Variants in BTN3A3 observed in about 807,000 individuals in gnomAD.
The protein encoded by BTN3A3 is butyrophilin 3.
Under a neutral mutation model 43.2 loss-of-function variants are expected in BTN3A3, and 39 were observed. The observed-to-expected ratio is 0.90, with a 90% CI of 0.70 to 1.18. The LOEUF (loss-of-function observed/expected upper bound fraction) is 1.18, where lower values mean the gene tolerates loss of function less well. BTN3A3 is among the 50% of genes most tolerant of loss of function. The pLI is 0.00. For synonymous variants in BTN3A3, 255 were observed against 272.7 expected (o/e 0.93, Z 0.64); for missense variants, 631 against 722.8 (o/e 0.87, Z 1.46).
rs1487945071 is a variant in BTN3A3 at position 26,448,419 on chromosome 6, C to G, written c.887C>G (p.Ala296Gly). Residue 296 changes from alanine to glycine, a missense_variant, in exon 6 of 11, where the codon GCT becomes GGT. Ala to Gly is a moderately conservative substitution (Grantham distance 60, BLOSUM62 0). Around this residue, in one of 2 missense-constraint regions of BTN3A3, gnomAD observed 551 missense variants for 584.0 expected, o/e 0.94. Transcript: ENST00000244519. ...REREMKEMGY[A>G]ATEQEISLRE... ...CGAGAGATGAAAGAAATGGGATACG[C>G]TGCAACAGAGCAAGAAATAAGCCTA... is the stretch of plus-strand genomic sequence containing the variant. 1.9e-6 allele frequency: 3 copies of G among 1,613,748 alleles called. No homozygotes were observed. In the East Asian group the frequency reaches 6.7e-5, roughly 36 times the overall value.
chr6:26,450,036 G>A (rs192335344), intron 9 of BTN3A3, 71 bp from the exon 10 acceptor site: 50 of 1,509,836 alleles, frequency 3.3e-5, no homozygotes, highest in Admixed American at 2.7e-4. Flanking sequence ...AACGTGTAGT[G>A]AAAGGAGAAT....
At chr6:26,443,893 G>C (rs1270876244) in intron 3 of BTN3A3, 64 bp from the exon 4 acceptor site, 5 of 1,613,068 alleles carry the variant, frequency 3.1e-6, no homozygotes, top group African/African-American at 1.3e-5. Context: ...GTCTGAGAAG[G>C]ACCCTTCCTC....
chr6:26,444,383 T>C (rs932765005), intron 4 of BTN3A3, 79 bp downstream of exon 4: 11 of 1,605,524 alleles, frequency 6.9e-6, no homozygotes, highest in Non-Finnish European at 8.5e-6. Context: ...CCAAAAGTAC[T>C]GCAGACACTC....
chr6:26,452,209 T>C lies in BTN3A3; in HGVS notation c.1553T>C (p.Val518Ala), dbSNP rs1400975696. The C allele has an allele frequency of 6.2e-7, 1 of 1,614,070 alleles. No homozygotes were observed. The change falls in exon 11 of 11, where the codon GTA becomes GCA. Residue 518 changes from valine to alanine, a missense_variant. Physicochemically the swap from Val to Ala is moderately conservative, Grantham distance 64. Coordinates refer to ENST00000244519, the MANE Select transcript of BTN3A3 (RefSeq NM_006994.5). ...ACCATTTGCCCAATACCAAAAGAAG[T>C]AGAGAGTTCCCCCGATCCTGACCTA... ...ALTICPIPKE[V>A]ESSPDPDLVP...
intron 6 of BTN3A3, 21 bp from the exon 7 acceptor site, chr6:26,448,596 C>CT (rs746040086): frequency 3.7e-6 from 6 of 1,613,076 alleles, no homozygotes; most frequent in Middle Eastern, 1.6e-4. Context: ...TTTTTCTTTT[C>CT]TTTTTTTGCT....
chr6:26,449,485 T>TTCCCAGAC (rs1290564309), intron 8 of BTN3A3, 177 bp from the exon 9 acceptor site: 2 of 675,276 alleles, frequency 3.0e-6, no homozygotes, highest in African/African-American at 3.6e-5. Context: ...TCAACCAATG[T>TTCCCAGAC]TCCCAGACTT....
At position 26,446,669 on chromosome 6, in the gene BTN3A3, A is replaced by G. The variant is rs142565187; in HGVS notation, c.715+684A>G. Among the ~76,000 whole-genome samples, 11 of 152,230 alleles carry G rather than the reference A, an allele frequency of 7.2e-5. No homozygotes were observed. In the East Asian group the frequency reaches 1.9e-3, roughly 27 times the overall value. ...ATTGATCCAAAATTCCAGTTCTGGG[A>G]TATGCTTGCATTTGTATGAGATGAT... On this transcript the variant is annotated intron_variant, in intron 5 of 10. Transcript: ENST00000244519.
In BTN3A3 at chr6:26,445,906, C is replaced by A. The variant is rs760126544; in HGVS notation, c.636C>A (p.Gly212=). The A allele has an allele frequency of 6.2e-7, 1 of 1,614,184 alleles. No homozygotes were observed. Among genetic ancestry groups the A allele is most frequent in the East Asian group, 2.2e-5 (1 of 44,880 alleles). ...YAVAASVIMR[G]SSGGGVSCII... ...TAGCAGCATCTGTGATCATGAGAGG[C>A]AGCTCTGGTGGGGGTGTATCCTGCA... Residue 212 remains glycine, a synonymous_variant, in exon 5 of 11, where the codon GGC becomes GGA. Coordinates refer to ENST00000244519, the MANE Select transcript of BTN3A3 (RefSeq NM_006994.5).
chr6:26,450,621 T>C (rs1384142852), intron 10 of BTN3A3, among the ~76,000 whole-genome samples: 1 of 152,134 alleles, frequency 6.6e-6, no homozygotes, highest in African/African-American at 2.4e-5. Context: ...GAAGTAATAA[T>C]AAATATCCAC....
intron 5 of BTN3A3, among the ~76,000 whole-genome samples, chr6:26,447,745 C>T (rs1450534194): frequency 6.6e-6 from 1 of 152,148 alleles, no homozygotes; most frequent in East Asian, 1.9e-4. Context: ...GATTAGGCCA[C>T]TACAAACAGA....
At chr6:26,444,662 T>C in intron 4 of BTN3A3, 1 of 412,342 alleles carries the variant, frequency 2.4e-6, no homozygotes, top group South Asian at 2.3e-5. Context: ...AAGTGCACGT[T>C]ACCGTGGGTC....
chr6:26,442,428 A>G (rs531055770), intron 1 of BTN3A3, among the ~76,000 whole-genome samples: 24 of 152,292 alleles, frequency 1.6e-4, no homozygotes, highest in African/African-American at 5.1e-4. Flanking sequence ...ATCTTTTTAG[A>G]CTTTTTCAGG....
Position 26,451,641 on chromosome 6 carries a change from T to C in BTN3A3, c.1019-34T>C, listed in dbSNP as rs766184175. 5 of 1,578,230 alleles carry C rather than the reference T, an allele frequency of 3.2e-6. No individual in the cohort carries two copies. The South Asian group carries it at 5.9e-5, about 19-fold the overall frequency. ...GGCTCTGAAATCCAGGAAAAATGGC[T>C]GACCCCATGGACACCTCCTCAAACT... is the stretch of plus-strand genomic sequence containing the variant. On this transcript the variant is annotated intron_variant, in intron 10 of 10. Transcript: ENST00000244519.
rs374488044 is a variant in BTN3A3, at chr6:26,448,583, C to G, written c.917-34C>G. 6 of 1,613,668 alleles carry G rather than the reference C, an allele frequency of 3.7e-6. No individual in the cohort carries two copies. In the African/African-American group the frequency reaches 6.7e-5, roughly 18 times the overall value. On this transcript the variant is annotated intron_variant, in intron 6 of 10. Coordinates refer to ENST00000244519, the MANE Select transcript of BTN3A3 (RefSeq NM_006994.5). ...AAAACCCCCCTTACCCATAACTGTTCTTTTTTTCTTTTCTTTTTTTGCTTA... is the reference window on the plus strand; with the variant it reads ...AAAACCCCCCTTACCCATAACTGTTGTTTTTTTCTTTTCTTTTTTTGCTTA...
rs1367614600 is a variant in BTN3A3, at chr6:26,448,603, T to C, written c.917-14T>C. The C allele has an allele frequency of 3.1e-6, 5 of 1,614,000 alleles. No individual in the cohort carries two copies. Among genetic ancestry groups the C allele is most frequent in the Non-Finnish European group, 8.5e-7 (1 of 1,180,010 alleles). On this transcript the variant is annotated splice_polypyrimidine_tract_variant and intron_variant, in intron 6 of 10. Transcript: ENST00000244519. Reference sequence around the variant, plus strand: ...CTGTTCTTTTTTTCTTTTCTTTTTTTGCTTATTTTCCAGAGAAGCTCCAGG... The same window carrying C: ...CTGTTCTTTTTTTCTTTTCTTTTTTCGCTTATTTTCCAGAGAAGCTCCAGG...
intron 4 of BTN3A3, 83 bp downstream of exon 4, chr6:26,444,387 G>C (rs1762719383): frequency 4.4e-6 from 7 of 1,603,212 alleles, no homozygotes; most frequent in South Asian, 1.1e-5. Flanking sequence ...AAGTACTGCA[G>C]ACACTCCTGG....
At chr6:26,449,487 C>T (rs903491694) in intron 8 of BTN3A3, 175 bp from the exon 9 acceptor site, 1 of 688,806 alleles carries the variant, frequency 1.5e-6, no homozygotes, top group Non-Finnish European at 2.5e-6. Flanking sequence ...AACCAATGTT[C>T]CCAGACTTGA....
intron 4 of BTN3A3, 144 bp downstream of exon 4, chr6:26,444,448 C>G: frequency 7.7e-7 from 1 of 1,302,512 alleles, no homozygotes; most frequent in East Asian, 2.5e-5. Context: ...TTCTCTGCAA[C>G]CCTTAAGAAA....
At chr6:26,440,806 G>GCACA (rs544485944) in intron 1 of BTN3A3, 158 bp downstream of exon 1, 1 of 152,666 alleles carries the variant, frequency 6.6e-6, no homozygotes, top group African/African-American at 2.4e-5. Context: ...GTGTGTGTGT[G>GCACA]TGTGTGTGTG....
Sources: gnomAD v4.1 joint callset for allele counts (sites outside exome capture counted in the v4.1 genomes callset) on GRCh38, gnomAD v4.1.1 for gene constraint, gnomAD v4.1.1 regional missense constraint, MANE v1.5 for transcripts, NCBI Gene and HGNC (gene_info 2026-07-23, HGNC 2026-07-21) for gene names.